Variants in ZNF483 observed in about 807,000 individuals in gnomAD.
ZNF483 encodes the protein zinc finger protein 483.
In ZNF483, 9 loss-of-function variants were observed where a neutral mutation model predicts 28.6. That is an observed-to-expected ratio of 0.32 (90% CI 0.19 to 0.55). The LOEUF (loss-of-function observed/expected upper bound fraction) is 0.55. ZNF483 is among the 20% of genes least tolerant of loss of function. The pLI, the probability that ZNF483 is intolerant of heterozygous loss-of-function variation, is 0.93. For missense variants in ZNF483, 675 were observed against 871.7 expected (o/e 0.77, Z 2.84); for synonymous variants, 322 against 306.2 (o/e 1.05, Z -0.54).
chr9:111,557,758 C>T (rs563046843), downstream of ZNF483, among the ~76,000 whole-genome samples: 1 of 152,302 alleles, frequency 6.6e-6, no homozygotes, highest in African/African-American at 2.4e-5. Flanking sequence ...TGATGTTAAC[C>T]TTGACCACTT....
At position 111,552,704 on chromosome 9, in the gene ZNF483, T is replaced by G. The variant is rs1828005358; in HGVS notation, c.*9534T>G. On this transcript the variant is annotated 3_prime_UTR_variant, in exon 6 of 6. Transcript: ENST00000309235. Reference sequence around the variant, plus strand: ...AGACAGAATATACCCAGAGTTTTCTTTGGGCAGTGTCTTGTATCAAACAGT... The same window carrying G: ...AGACAGAATATACCCAGAGTTTTCTGTGGGCAGTGTCTTGTATCAAACAGT... Among the ~76,000 whole-genome samples the G allele has an allele frequency of 6.6e-6, 1 of 152,176 alleles. No individual in the cohort carries two copies. Among genetic ancestry groups the G allele is most frequent in the African/African-American group, 2.4e-5 (1 of 41,458 alleles).
rs1828079627 is a variant in ZNF483, at chr9:111,554,983, AG to A, written c.*11815del. On this transcript the variant is annotated 3_prime_UTR_variant, in exon 6 of 6. Transcript: ENST00000309235. ...TCTTTGAGAAGTGTAATTTCTCCAG[AG>A]GTCTGCTCTTTAATTTCCCCAGAGA... Among the ~76,000 whole-genome samples the A allele has an allele frequency of 6.6e-6, 1 of 152,124 alleles. No individual in the cohort carries two copies. The highest frequency in any genetic ancestry group is 1.5e-5 in the Non-Finnish European group (1 of 68,020).
rs1462455547 is a variant in ZNF483 at position 111,527,460 on chromosome 9, C to G, written c.65C>G (p.Ser22Trp). ...TCACCAGAACCTCAAACTCTGGCCT[C>G]GACTGAACAAAATGAGGTCCCAAGA... ...AISPEPQTLA[S>W]TEQNEVPRVV... The change falls in exon 2 of 6, where the codon TCG (serine) becomes TGG (tryptophan). Residue 22 changes from serine (S) to tryptophan (W), a missense_variant. Coordinates refer to ENST00000309235, the MANE Select transcript of ZNF483 (RefSeq NM_133464.5). 20 of 1,613,960 alleles carry G rather than the reference C, an allele frequency of 1.2e-5. No homozygotes were observed. The highest frequency in any genetic ancestry group is 1.7e-5 in the Non-Finnish European group (20 of 1,180,030).
chr9:111,528,957 C>A (rs1827250573), intron 2 of ZNF483, among the ~76,000 whole-genome samples: 1 of 152,050 alleles, frequency 6.6e-6, no homozygotes, highest in African/African-American at 2.4e-5. Flanking sequence ...ACCAGCCATA[C>A]CAACATGGAG....
intron 4 of ZNF483, 110 bp from the exon 5 acceptor site, chr9:111,534,151 T>A: frequency 3.1e-6 from 3 of 955,890 alleles, no homozygotes; most frequent in Non-Finnish European, 4.8e-6. Flanking sequence ...GTCTGTGTAT[T>A]TTGGTAGCAT....
chr9:111,542,415 C>G lies in ZNF483; in HGVS notation c.1480C>G (p.Pro494Ala). ...PHHRTHSGEK[P>A]FKCDDCGKGF... ...TCATAGAACTCATAGTGGAGAGAAA[C>G]CCTTCAAATGTGATGACTGTGGGAA... Residue 494 changes from proline to alanine, a missense_variant, in exon 6 of 6, where the codon CCC becomes GCC. Around this residue, in one of 6 missense-constraint regions of ZNF483, gnomAD observed 525 missense variants for 581.8 expected, o/e 0.90. Coordinates refer to ENST00000309235, the MANE Select transcript of ZNF483 (RefSeq NM_133464.5). This position sits in a 1 kb window ranked among gnomAD's most constrained non-coding sequence, Gnocchi z 6.2. The G allele has an allele frequency of 6.2e-7, 1 of 1,614,022 alleles. No homozygotes were observed. The highest frequency in any genetic ancestry group is 2.2e-5 in the East Asian group (1 of 44,866).
In ZNF483 at chr9:111,561,873, T is replaced by TTTTTGTTTTG. The variant is rs545283246; in HGVS notation, c.722-14477_722-14468dup. On this transcript the variant is annotated intron_variant, in intron 5 of 5. Coordinates refer to the ZNF483 transcript ENST00000358151. The stretch of plus-strand genomic sequence containing the variant: ...ATATGCCAGGCATTATGCTGTTGTT[T>TTTTTGTTTTG]TTTTGTTTTGTTTTGTTTTGTTTTT... Among the ~76,000 whole-genome samples, 26 of 152,248 alleles carry TTTTTGTTTTG rather than the reference T, an allele frequency of 1.7e-4. 1 individual carries two copies. Among genetic ancestry groups the TTTTTGTTTTG allele is most frequent in the Admixed American group, 3.9e-4 (6 of 15,290 alleles).
rs1277862888 is a variant in ZNF483 at position 111,547,941 on chromosome 9, T to C, written c.*4771T>C. ...GTCAAAGATCATTTGACCATATACATGCATGTTTATTTCTGGCTGTCTGCT... is the reference window on the plus strand; with the variant it reads ...GTCAAAGATCATTTGACCATATACACGCATGTTTATTTCTGGCTGTCTGCT... On this transcript the variant is annotated 3_prime_UTR_variant, in exon 6 of 6. Coordinates refer to ENST00000309235, the MANE Select transcript of ZNF483 (RefSeq NM_133464.5). Among the ~76,000 whole-genome samples, 1 of 152,224 alleles carries C rather than the reference T, an allele frequency of 6.6e-6. No homozygotes were observed. Among genetic ancestry groups the C allele is most frequent in the Non-Finnish European group, 1.5e-5 (1 of 68,026 alleles).
At chr9:111,540,116 A>G (rs950735461) in intron 5 of ZNF483, among the ~76,000 whole-genome samples, 1 of 152,196 alleles carries the variant, frequency 6.6e-6, no homozygotes. Flanking sequence ...TAGGCAACAG[A>G]GTAAGACCCT....
In ZNF483 at chr9:111,570,174, G is replaced by A. The variant is rs376212074; in HGVS notation, c.722-6191G>A. 2.3e-5 allele frequency: 37 copies of A among 1,613,916 alleles called. No individual in the cohort carries two copies. The highest frequency in any genetic ancestry group is 3.3e-4 in the Middle Eastern group (2 of 6,076). On this transcript the variant is annotated intron_variant, in intron 5 of 5. Coordinates refer to the ZNF483 transcript ENST00000358151. ...CGGTAGACGACAAAAGCTTCCATGC[G>A]AAGCTCCTGATAGATAACAATCTCT...
intron 5 of ZNF483, among the ~76,000 whole-genome samples, chr9:111,537,793 A>AT (rs1827554278): frequency 6.6e-6 from 1 of 151,990 alleles, no homozygotes; most frequent in Non-Finnish European, 1.5e-5. Flanking sequence ...TGTTCAGCTA[A>AT]TTTTTGTATT....
chr9:111,576,679 T>C (rs1829070476), exon 6 of ZNF483: 2 of 362,512 alleles, frequency 5.5e-6, no homozygotes, highest in Non-Finnish European at 9.9e-6. Context: ...TGTGCAAACA[T>C]GTACATATTT....
intron 5 of ZNF483, among the ~76,000 whole-genome samples, chr9:111,538,490 T>C (rs1827577470): frequency 7.8e-6 from 1 of 128,674 alleles, no homozygotes; most frequent in Non-Finnish European, 1.8e-5. Context: ...ACCCCATCTC[T>C]TAGAAAAAAA....
chr9:111,531,825 G>A (rs973103859), intron 3 of ZNF483, among the ~76,000 whole-genome samples: 3 of 152,164 alleles, frequency 2.0e-5, no homozygotes, highest in Non-Finnish European at 4.4e-5. Context: ...GGGACAACTG[G>A]CGCACGCCAC....
At chr9:111,571,979 C>T (rs1367802169) in intron 5 of ZNF483, among the ~76,000 whole-genome samples, 1 of 152,150 alleles carries the variant, frequency 6.6e-6, no homozygotes, top group Non-Finnish European at 1.5e-5. Context: ...GTTGATTTTC[C>T]CAAGTGTCCT....
At chr9:111,526,047 C>G (rs963356726) in intron 1 of ZNF483, among the ~76,000 whole-genome samples, 2 of 152,104 alleles carry the variant, frequency 1.3e-5, no homozygotes, top group African/African-American at 4.8e-5. Context: ...CGTTCCAGCT[C>G]ATTGTAGTTG....
intron 5 of ZNF483, chr9:111,569,886 G>A: frequency 1.3e-6 from 1 of 757,950 alleles, no homozygotes; most frequent in Non-Finnish European, 2.1e-6. Flanking sequence ...CATTTGCAGT[G>A]GAAATGAACT....
downstream of ZNF483, among the ~76,000 whole-genome samples, chr9:111,558,572 AC>A (rs1828189208): frequency 6.6e-6 from 1 of 152,172 alleles, no homozygotes. Context: ...CAGCCCCAGA[AC>A]AAACCATTTC....
chr9:111,570,695 C>T (rs144977051), intron 5 of ZNF483, among the ~76,000 whole-genome samples: 2,874 of 152,094 alleles, frequency 0.019, 46 homozygotes, highest in Middle Eastern at 0.078. Context: ...AGGAGAATTG[C>T]TTGAACCCGA....
Sources: gnomAD v4.1 joint callset for allele counts (sites outside exome capture counted in the v4.1 genomes callset) on GRCh38, gnomAD v4.1.1 for gene constraint, gnomAD v4.1.1 regional missense constraint, Gnocchi (gnomAD v3.1) non-coding constraint, MANE v1.5 for transcripts, NCBI Gene and HGNC (gene_info 2026-07-23, HGNC 2026-07-21) for gene names.